The following KCNAB2 variants were observed in gnomAD, a reference collection of about 807,000 sequenced individuals.
KCNAB2 encodes the protein voltage-gated potassium channel subunit beta-2.
In KCNAB2, 29 loss-of-function variants were observed where a neutral mutation model predicts 63.6. That is an observed-to-expected ratio of 0.46 (90% CI 0.34 to 0.62). The LOEUF is 0.62. Ranked by LOEUF, KCNAB2 falls within the 20% of genes least tolerant of loss-of-function variation. KCNAB2 has a pLI of 0.01. For synonymous variants in KCNAB2, 222 were observed against 224.2 expected (o/e 0.99, Z 0.09); for missense variants, 359 against 563.9 (o/e 0.64, Z 3.68).
intron 1 of KCNAB2, among the ~76,000 whole-genome samples, chr1:6,034,972 C>G (rs1433103653): frequency 6.6e-6 from 1 of 152,138 alleles, no homozygotes; most frequent in Non-Finnish European, 1.5e-5. Context: ...AGGTGACAGG[C>G]GCTGGGGAGA....
chr1:6,023,152 G>T (rs1451004597), intron 1 of KCNAB2, among the ~76,000 whole-genome samples: 1 of 152,144 alleles, frequency 6.6e-6, no homozygotes, highest in Admixed American at 6.5e-5. Context: ...AAAGTGCTGG[G>T]ATTACAGACA....
At position 6,096,682 on chromosome 1, in the gene KCNAB2, G is replaced by A. The variant is rs778196788; in HGVS notation, c.995G>A (p.Arg332His). 8 of 1,607,528 alleles carry A rather than the reference G, an allele frequency of 5.0e-6. No individual in the cohort carries two copies. The highest frequency in any genetic ancestry group is 2.2e-5 in the East Asian group (1 of 44,632). The change falls in exon 14 of 16, where the codon CGC (arginine) becomes CAC (histidine). Residue 332 changes from arginine to histidine, a missense_variant. Around this residue, in one of 2 missense-constraint regions of KCNAB2, gnomAD observed 271 missense variants for 476.1 expected, o/e 0.57. Transcript: ENST00000378083. This position sits in a 1 kb window ranked among gnomAD's most constrained non-coding sequence, Gnocchi z 5.9. ...AAGATCCTCAGTGAGGAGGGCCGGC[G>A]CCAGCAAGCCAAGCTGAAGGAGCTG... The part of the protein sequence containing the change: ...KDKILSEEGR[R>H]QQAKLKELQA...
chr1:6,000,027 C>T (rs539867034), intron 1 of KCNAB2, among the ~76,000 whole-genome samples: 218 of 151,236 alleles, frequency 1.4e-3, no homozygotes, highest in Non-Finnish European at 2.6e-3. Context: ...CTGTCTGCGC[C>T]GTCCGTGCCC....
chr1:6,081,042 G>C (rs555324207), intron 4 of KCNAB2, among the ~76,000 whole-genome samples: 1 of 152,194 alleles, frequency 6.6e-6, no homozygotes, highest in East Asian at 1.9e-4. Context: ...CTTTCTCTCC[G>C]GCCTCTTGGA....
chr1:6,041,808 C>T, upstream of KCNAB2: 1 of 1,609,726 alleles, frequency 6.2e-7, no homozygotes, highest in Non-Finnish European at 8.5e-7. Context: ...TCCTTTTTCT[C>T]TTTTCTCCAT....
intron 1 of KCNAB2, among the ~76,000 whole-genome samples, chr1:6,002,478 C>T (rs1014183819): frequency 3.9e-5 from 6 of 152,252 alleles, no homozygotes; most frequent in African/African-American, 1.4e-4. Flanking sequence ...GAGCTGGCAT[C>T]GGTGGCTGAT....
intron 15 of KCNAB2, chr1:6,098,280 A>T: frequency 7.2e-7 from 1 of 1,390,852 alleles, no homozygotes; most frequent in Non-Finnish European, 9.3e-7. Context: ...GGGAGTGCAC[A>T]GACCCAGGCA....
chr1:6,086,700 GTGTGGACTTAGAGCAGAAGAACGAAT>G lies in KCNAB2; in HGVS notation c.426-765_426-740del, dbSNP rs1384493640. On this transcript the variant is annotated intron_variant, in intron 6 of 15. Transcript: ENST00000378083. This position sits in a 1 kb window ranked among gnomAD's most constrained non-coding sequence, Gnocchi z 4.2. Reference sequence around the variant, plus strand: ...AGCCACTGGTATGGGCATTTGTCTCGTGTGGACTTAGAGCAGAAGAACGAATTACTTCCCTTTGCGCTGCTCAAGCC... The same window carrying G: ...AGCCACTGGTATGGGCATTTGTCTCGTACTTCCCTTTGCGCTGCTCAAGCC... 6.6e-6 allele frequency among the ~76,000 whole-genome samples: 1 copy of G among 152,150 alleles called. No homozygotes were observed. The highest frequency in any genetic ancestry group is 6.5e-5 in the Admixed American group (1 of 15,270).
Position 6,096,557 on chromosome 1 carries a change from C to G in KCNAB2, c.949-79C>G. On this transcript the variant is annotated intron_variant, in intron 13 of 15. Transcript: ENST00000378083. The surrounding 1 kb of genome is among the most constrained non-coding windows in gnomAD (Gnocchi z 5.9). The stretch of plus-strand genomic sequence containing the variant: ...GGGAGAAGGGTCCAGAAGGAATGAG[C>G]CCATCGGCCCCCTGCACGTGGGGGT... The G allele has an allele frequency of 1.3e-6, 2 of 1,505,968 alleles. No individual in the cohort carries two copies. Among genetic ancestry groups the G allele is most frequent in the Non-Finnish European group, 1.8e-6 (2 of 1,118,668 alleles). The allele number at this position is 1,505,968 out of a possible 1,614,324, so 93.3% of individuals were successfully genotyped here. A position where few individuals can be genotyped will look rare whatever the true frequency, so the allele number is the denominator to read the frequency against.
At chr1:5,996,714 C>T (rs1656961703) in intron 1 of KCNAB2, among the ~76,000 whole-genome samples, 1 of 152,250 alleles carries the variant, frequency 6.6e-6, no homozygotes, top group East Asian at 1.9e-4. Context: ...ATGGTGGGGA[C>T]CACCTTCCTG....
chr1:6,003,657 A>G lies in KCNAB2; in HGVS notation c.-53+10869A>G, dbSNP rs1349771936. Among the ~76,000 whole-genome samples the G allele has an allele frequency of 1.3e-5, 2 of 152,352 alleles. No individual in the cohort carries two copies. Among genetic ancestry groups the G allele is most frequent in the East Asian group, 1.9e-4 (1 of 5,186 alleles). ...ATTAGGATAAAGTCACAGAGGTAGG[A>G]TTCCTGGACCCCAAGCTCTGGACCT... On this transcript the variant is annotated intron_variant, in intron 1 of 16. Coordinates refer to the KCNAB2 transcript ENST00000341524. This position sits in a 1 kb window ranked among gnomAD's most constrained non-coding sequence, Gnocchi z 4.1.
At position 5,994,170 on chromosome 1, in the gene KCNAB2, C is replaced by T. The variant is rs967547440; in HGVS notation, c.-53+1382C>T. 6.6e-6 allele frequency among the ~76,000 whole-genome samples: 1 copy of T among 152,196 alleles called. No homozygotes were observed. The highest frequency in any genetic ancestry group is 1.5e-5 in the Non-Finnish European group (1 of 68,036). ...TTCTTTCTCTGCAACTTCTCCTCCC[C>T]GACAAAAACCCCAGCCTCACCCCTC... On this transcript the variant is annotated intron_variant, in intron 1 of 16. Coordinates refer to the KCNAB2 transcript ENST00000341524. The surrounding 1 kb of genome is among the most constrained non-coding windows in gnomAD (Gnocchi z 5.4).
intron 6 of KCNAB2, chr1:6,085,873 C>T (rs1421001529): frequency 1.0e-5 from 10 of 986,812 alleles, no homozygotes; most frequent in South Asian, 9.4e-5. Context: ...CAGCTCAGGG[C>T]GGGACGTGTC....
intron 2 of KCNAB2, among the ~76,000 whole-genome samples, chr1:6,053,738 A>G (rs974511897): frequency 6.6e-6 from 1 of 152,184 alleles, no homozygotes. Context: ...AGGATAGTTT[A>G]GTGGGTTAAA....
intron 1 of KCNAB2, among the ~76,000 whole-genome samples, chr1:6,009,781 T>G (rs376874133): frequency 3.9e-5 from 6 of 151,938 alleles, no homozygotes; most frequent in Admixed American, 1.3e-4. Context: ...CCTCTCTGTC[T>G]CTCTATGTCT....
rs937637851 is a variant in KCNAB2 at position 6,071,251 on chromosome 1, G to T, written c.219-1504G>T. 1.9e-4 allele frequency among the ~76,000 whole-genome samples: 29 copies of T among 152,322 alleles called. No homozygotes were observed. Among genetic ancestry groups the T allele is most frequent in the African/African-American group, 7.0e-4 (29 of 41,580 alleles). On this transcript the variant is annotated intron_variant, in intron 2 of 15. Transcript: ENST00000378083. This position sits in a 1 kb window ranked among gnomAD's most constrained non-coding sequence, Gnocchi z 8.5. ...GAGGACATCGCATCCTCCGAAGTTG[G>T]AAGTGTCATGGCCCCAGGGAAATGC...
At position 6,028,562 on chromosome 1, in the gene KCNAB2, G is replaced by A. The variant is rs774912664; in HGVS notation, c.-52-11955G>A. Among the ~76,000 whole-genome samples the A allele has an allele frequency of 5.3e-5, 8 of 152,198 alleles. No homozygotes were observed. The highest frequency in any genetic ancestry group is 1.0e-4 in the Non-Finnish European group (7 of 68,024). On this transcript the variant is annotated intron_variant, in intron 1 of 16. Transcript: ENST00000341524. This position sits in a 1 kb window ranked among gnomAD's most constrained non-coding sequence, Gnocchi z 4.0. ...GCCCCCCTCTCTCCATCCCTTCTGCGATGTTCACTAGGCATTACCACATGC... is the reference window on the plus strand; with the variant it reads ...GCCCCCCTCTCTCCATCCCTTCTGCAATGTTCACTAGGCATTACCACATGC...
intron 2 of KCNAB2, among the ~76,000 whole-genome samples, chr1:6,068,412 C>T (rs1017904242): frequency 2.6e-5 from 4 of 152,260 alleles, no homozygotes; most frequent in East Asian, 3.9e-4. Context: ...TGACTGAGGG[C>T]GGGTTTGCAG....
At chr1:6,042,843 A>ACCCCCC (rs1157271557), upstream of KCNAB2, among the ~76,000 whole-genome samples, 1 of 29,028 alleles carries the variant, frequency 3.4e-5, no homozygotes, top group Admixed American at 4.0e-4. Flanking sequence ...CCCACTCCCC[A>ACCCCCC]CCCCCCCCCC....
Sources: gnomAD v4.1 joint callset for allele counts (sites outside exome capture counted in the v4.1 genomes callset) on GRCh38, gnomAD v4.1.1 for gene constraint, gnomAD v4.1.1 regional missense constraint, Gnocchi (gnomAD v3.1) non-coding constraint, MANE v1.5 for transcripts, NCBI Gene and HGNC (gene_info 2026-07-23, HGNC 2026-07-21) for gene names.